Variants in CEP128 observed in about 807,000 individuals in gnomAD.
CEP128 encodes the protein centrosomal protein 128, also known as centrosomal protein 128kDa.
A neutral mutation model predicts 156.7 loss-of-function variants in CEP128; 132 were observed. That is an observed-to-expected ratio of 0.84 (90% CI 0.73 to 0.97). The LOEUF (loss-of-function observed/expected upper bound fraction) is 0.97. Ranked by LOEUF, CEP128 falls within the 50% of genes least tolerant of loss-of-function variation. The pLI is 0.00. For synonymous variants in CEP128, 469 were observed against 448.9 expected, an observed-to-expected ratio of 1.04 and a Z score of -0.57; for missense variants, 1,252 against 1,281.9, an observed-to-expected ratio of 0.98 and a Z score of 0.36.
chr14:80,485,031 C>G (rs1267866507), intron 14 of CEP128, among the ~76,000 whole-genome samples: 1 of 152,082 alleles, frequency 6.6e-6, no homozygotes, highest in Non-Finnish European at 1.5e-5. Context: ...TAGCATCAGA[C>G]AGAAGACGGC....
At chr14:80,681,049 C>T (rs1896304007) in intron 19 of CEP128, among the ~76,000 whole-genome samples, 1 of 152,116 alleles carries the variant, frequency 6.6e-6, no homozygotes, top group East Asian at 1.9e-4. Context: ...CTATAGTCGG[C>T]TCTTGCTCAT....
At chr14:80,646,692 C>T (rs1378946939) in intron 19 of CEP128, among the ~76,000 whole-genome samples, 1 of 151,708 alleles carries the variant, frequency 6.6e-6, no homozygotes, top group East Asian at 1.9e-4. Flanking sequence ...TTAGCATTAA[C>T]TAATCCTTAA....
At chr14:80,941,085 A>G (rs1886128641) in intron 1 of CEP128, among the ~76,000 whole-genome samples, 1 of 152,216 alleles carries the variant, frequency 6.6e-6, no homozygotes, top group Admixed American at 6.5e-5. Flanking sequence ...GCTAACAGCT[A>G]AGGCTGGAGC....
chr14:80,797,517 A>T (rs1840232223), intron 13 of CEP128, among the ~76,000 whole-genome samples: 1 of 152,152 alleles, frequency 6.6e-6, no homozygotes, highest in South Asian at 2.1e-4. Flanking sequence ...AGCCTGTGTT[A>T]TGTTTCAGGT....
chr14:80,944,739 G>A (rs1356007831), upstream of CEP128, among the ~76,000 whole-genome samples: 9 of 140,154 alleles, frequency 6.4e-5, no homozygotes, highest in South Asian at 2.4e-4. Flanking sequence ...GGAGAACGGC[G>A]TAAACCCGGA....
intron 23 of CEP128, among the ~76,000 whole-genome samples, chr14:80,524,676 C>A (rs993434488): frequency 6.6e-6 from 1 of 152,026 alleles, no homozygotes; most frequent in Non-Finnish European, 1.5e-5. Flanking sequence ...ATGTTATATT[C>A]CTGTGAGTTT....
At chr14:80,789,716 G>A (rs976100927) in intron 14 of CEP128, among the ~76,000 whole-genome samples, 6 of 151,856 alleles carry the variant, frequency 4.0e-5, no homozygotes, top group African/African-American at 9.7e-5. Flanking sequence ...AAAGCTGTGC[G>A]AAGCCAAAAG....
At chr14:80,824,437 T>A (rs547828695) in intron 13 of CEP128, among the ~76,000 whole-genome samples, 1 of 152,336 alleles carries the variant, frequency 6.6e-6, no homozygotes, top group East Asian at 1.9e-4. Context: ...CTCCATACTT[T>A]TATGCTCTAC....
At chr14:80,899,192 T>C (rs1460784332) in intron 7 of CEP128, among the ~76,000 whole-genome samples, 1 of 152,212 alleles carries the variant, frequency 6.6e-6, no homozygotes, top group Non-Finnish European at 1.5e-5. Flanking sequence ...TTTGACTATC[T>C]TTGTTGCAGC....
At chr14:80,715,523 A>C (rs1053071959) in intron 19 of CEP128, among the ~76,000 whole-genome samples, 5 of 152,204 alleles carry the variant, frequency 3.3e-5, no homozygotes, top group African/African-American at 1.2e-4. Flanking sequence ...AAAATGTGAG[A>C]GCAAGTTCAA....
downstream of CEP128, among the ~76,000 whole-genome samples, chr14:80,486,748 A>C (rs1215308714): frequency 6.6e-6 from 1 of 152,196 alleles, no homozygotes; most frequent in Non-Finnish European, 1.5e-5. Flanking sequence ...TTCAATCCAG[A>C]ATTTCATATC....
intron 13 of CEP128, among the ~76,000 whole-genome samples, chr14:80,819,104 A>G (rs1885020459): frequency 6.6e-6 from 1 of 152,178 alleles, no homozygotes; most frequent in Admixed American, 6.5e-5. Flanking sequence ...CAGTCCTGGA[A>G]GCTGGAAATC....
Position 80,530,893 on chromosome 14 carries a change from T to C in CEP128, c.2881-7A>G, listed in dbSNP as rs375528326. 4.4e-6 allele frequency: 7 copies of C among 1,585,048 alleles called. No individual in the cohort carries two copies. The highest frequency in any genetic ancestry group is 6.0e-6 in the Non-Finnish European group (7 of 1,162,472). ...CCAAGGCCACTTGGGTACTCTGAAA[T>C]AGAAAACATAAGGAAACCAAACATT... On this transcript the variant is annotated splice_region_variant and splice_polypyrimidine_tract_variant and intron_variant, in intron 21 of 24. Coordinates refer to ENST00000555265, the MANE Select transcript of CEP128 (RefSeq NM_152446.5).
intron 20 of CEP128, among the ~76,000 whole-genome samples, chr14:80,571,230 T>C (rs1595023586): frequency 6.6e-6 from 1 of 152,236 alleles, no homozygotes; most frequent in Non-Finnish European, 1.5e-5. Context: ...ACTGAGATCA[T>C]ATCTGGCCTC....
chr14:80,619,891 G>A (rs1375290369), intron 19 of CEP128, among the ~76,000 whole-genome samples: 4 of 151,970 alleles, frequency 2.6e-5, no homozygotes, highest in African/African-American at 7.2e-5. Flanking sequence ...TTGGGAGGTC[G>A]AGGCGTGTGG....
At chr14:80,745,295 C>T (rs1015607450) in intron 18 of CEP128, among the ~76,000 whole-genome samples, 1 of 152,088 alleles carries the variant, frequency 6.6e-6, no homozygotes, top group Admixed American at 6.6e-5. Context: ...CTGAGGCCTC[C>T]CCAACCAAGC....
At chr14:80,603,608 ACTC>A (rs1395334122) in intron 19 of CEP128, among the ~76,000 whole-genome samples, 1 of 151,992 alleles carries the variant, frequency 6.6e-6, no homozygotes, top group Non-Finnish European at 1.5e-5. Context: ...TTGTCCATCT[ACTC>A]CTCCTTCCTC....
intron 9 of CEP128, among the ~76,000 whole-genome samples, chr14:80,857,753 C>T (rs984354595): frequency 8.1e-6 from 1 of 122,954 alleles, no homozygotes; most frequent in Non-Finnish European, 1.9e-5. Context: ...ACAACAACAA[C>T]AACAACAACA....
chr14:80,861,771 T>C (rs1023615757), intron 9 of CEP128, among the ~76,000 whole-genome samples: 1 of 152,194 alleles, frequency 6.6e-6, no homozygotes, highest in Non-Finnish European at 1.5e-5. Flanking sequence ...CCATAGTATT[T>C]TACTGATTTT....
Sources: allele counts gnomAD v4.1 joint callset (sites outside exome capture counted in the v4.1 genomes callset), GRCh38; gene constraint gnomAD v4.1.1; transcripts MANE v1.5; gene names NCBI Gene and HGNC (gene_info 2026-07-23, HGNC 2026-07-21).